The following TAF4B variants were observed in gnomAD, a reference collection of about 807,000 sequenced individuals.
The protein encoded by TAF4B is TATA-box binding protein associated factor 4b, also known as transcription initiation factor TFIID subunit 4B.
In TAF4B, 38 loss-of-function variants were observed where a neutral mutation model predicts 86.4. The observed-to-expected ratio is 0.44, with a 90% CI of 0.34 to 0.58. The LOEUF is 0.58. Among genes scored for constraint, TAF4B ranks in the 20% least tolerant of loss-of-function variants. The pLI is 0.02. For missense variants in TAF4B, 988 were observed against 1,027.6 expected (o/e 0.96, Z 0.53); for synonymous variants, 388 against 391.2 (o/e 0.99, Z 0.10).
rs193296594 is a variant in TAF4B, at chr18:26,334,756, G to A, written c.2260-419G>A. Among the ~76,000 whole-genome samples, 4 of 152,292 alleles carry A rather than the reference G, an allele frequency of 2.6e-5. No homozygotes were observed. The East Asian group carries it at 7.7e-4, about 29-fold the overall frequency. On this transcript the variant is annotated intron_variant, in intron 12 of 14. Coordinates refer to ENST00000269142, the MANE Select transcript of TAF4B (RefSeq NM_005640.3). ...GTTAGTCAGGTTCTTGATTTTAATA[G>A]TCCTCGAAATACCTATGTTTTCCCA...
chr18:26,334,015 GTA>G (rs897849699), intron 12 of TAF4B, among the ~76,000 whole-genome samples: 26 of 151,114 alleles, frequency 1.7e-4, no homozygotes, highest in Non-Finnish European at 2.9e-4. Context: ...ACATATATAT[GTA>G]TATATATATA....
rs1299586871 is a variant in TAF4B, at chr18:26,346,791, A to ATGTGTG, written c.2317-10898_2317-10897insGTGTGT. ...TATATATATGTGTGTGTATATATAT[A>ATGTGTG]TATATATGTGTATATATATATATAT... On this transcript the variant is annotated intron_variant, in intron 13 of 14. Coordinates refer to ENST00000269142, the MANE Select transcript of TAF4B (RefSeq NM_005640.3). Among the ~76,000 whole-genome samples the ATGTGTG allele has an allele frequency of 1.0e-4, 3 of 29,304 alleles. 1 individual carries two copies. The highest frequency in any genetic ancestry group is 2.4e-4 in the African/African-American group (3 of 12,534). The allele number at this position is 29,304 out of a possible 152,430, so 19.2% of individuals were successfully genotyped here.
intron 14 of TAF4B, among the ~76,000 whole-genome samples, chr18:26,383,672 A>G (rs1301040271): frequency 6.6e-6 from 1 of 152,218 alleles, no homozygotes; most frequent in Non-Finnish European, 1.5e-5. Context: ...TTACAGAGCT[A>G]GAATTGTAAC....
chr18:26,314,432 G>A (rs1461270279), intron 9 of TAF4B, among the ~76,000 whole-genome samples: 1 of 146,650 alleles, frequency 6.8e-6, no homozygotes, highest in Admixed American at 6.7e-5. Context: ...CTGATACAAA[G>A]CAAGGAGCCC....
At chr18:26,324,733 T>C (rs1207278376) in intron 11 of TAF4B, among the ~76,000 whole-genome samples, 1 of 152,200 alleles carries the variant, frequency 6.6e-6, no homozygotes, top group Non-Finnish European at 1.5e-5. Flanking sequence ...CTACACTCAT[T>C]TGTTAATACA....
At chr18:26,345,866 GAAT>G (rs1233368447) in intron 13 of TAF4B, among the ~76,000 whole-genome samples, 18 of 152,130 alleles carry the variant, frequency 1.2e-4, no homozygotes, top group African/African-American at 4.3e-4. Flanking sequence ...AAAGAATTCA[GAAT>G]AATAATCTTA....
chr18:26,243,372 G>T (rs552400641), intron 1 of TAF4B, among the ~76,000 whole-genome samples: 1 of 151,846 alleles, frequency 6.6e-6, no homozygotes, highest in African/African-American at 2.4e-5. Context: ...CCAGTTGATC[G>T]AATCGGCTAC....
intron 1 of TAF4B, among the ~76,000 whole-genome samples, chr18:26,242,717 T>C (rs1368534566): frequency 6.6e-6 from 1 of 152,274 alleles, no homozygotes; most frequent in African/African-American, 2.4e-5. Flanking sequence ...TTGCAGTGGC[T>C]GATACTGGTT....
chr18:26,385,499 G>A (rs537821652), intron 14 of TAF4B, among the ~76,000 whole-genome samples: 11 of 152,088 alleles, frequency 7.2e-5, no homozygotes, highest in Non-Finnish European at 1.5e-4. Context: ...TAACATTTAG[G>A]TTTGAGTAGG....
In TAF4B at chr18:26,283,207, G is replaced by A. The variant is rs143728251; in HGVS notation, c.972+1147G>A. 2.0e-3 allele frequency among the ~76,000 whole-genome samples: 307 copies of A among 152,090 alleles called. 1 individual carries two copies. Among genetic ancestry groups the A allele is most frequent in the African/African-American group, 5.9e-3 (245 of 41,478 alleles). On this transcript the variant is annotated intron_variant, in intron 6 of 14. Transcript: ENST00000269142. Reference sequence around the variant, plus strand: ...AAGGTTTTCAGTTGACTTTGCCCCCGGATTCATCAGAGGAATCACTGTCTA... The same window carrying A: ...AAGGTTTTCAGTTGACTTTGCCCCCAGATTCATCAGAGGAATCACTGTCTA...
intron 11 of TAF4B, among the ~76,000 whole-genome samples, chr18:26,326,101 C>T (rs764954563): frequency 3.1e-4 from 47 of 151,992 alleles, no homozygotes; most frequent in Admixed American, 7.9e-4. Context: ...CTTGAATATC[C>T]GAATTACTGA....
intron 7 of TAF4B, among the ~76,000 whole-genome samples, chr18:26,287,973 A>G (rs2056545692): frequency 6.6e-6 from 1 of 152,150 alleles, no homozygotes; most frequent in Admixed American, 6.5e-5. Context: ...GCCTTGCAGG[A>G]TTTCTCTTGG....
chr18:26,306,410 T>C (rs1302584182), intron 9 of TAF4B, among the ~76,000 whole-genome samples: 4 of 152,200 alleles, frequency 2.6e-5, no homozygotes, highest in Admixed American at 6.5e-5. Context: ...GAGGTACTTA[T>C]CTAAAATTAT....
chr18:26,244,297 C>T (rs184045430), intron 1 of TAF4B, among the ~76,000 whole-genome samples: 65 of 152,392 alleles, frequency 4.3e-4, no homozygotes, highest in Admixed American at 1.4e-3. Context: ...CCCCCAGCCT[C>T]ACTGCCGCCT....
At chr18:26,352,780 G>A (rs145226438) in intron 13 of TAF4B, among the ~76,000 whole-genome samples, 1 of 152,054 alleles carries the variant, frequency 6.6e-6, no homozygotes, top group African/African-American at 2.4e-5. Context: ...CTCTCCAAAA[G>A]CAAATATAAC....
chr18:26,369,728 G>A (rs1021935713), intron 14 of TAF4B, among the ~76,000 whole-genome samples: 1 of 152,200 alleles, frequency 6.6e-6, no homozygotes, highest in African/African-American at 2.4e-5. Flanking sequence ...CAGAGTTACA[G>A]CTGAACATGA....
At position 26,231,795 on chromosome 18, in the gene TAF4B, G is replaced by C. The variant is rs184328382; in HGVS notation, c.343+4519G>C. Among the ~76,000 whole-genome samples, 4 of 152,290 alleles carry C rather than the reference G, an allele frequency of 2.6e-5. No homozygotes were observed. In the East Asian group the frequency reaches 7.7e-4, roughly 29 times the overall value. On this transcript the variant is annotated intron_variant, in intron 1 of 14. Coordinates refer to ENST00000269142, the MANE Select transcript of TAF4B (RefSeq NM_005640.3). ...ATGGCACAGACCCAAAGAGTGAGCG[G>C]TAGCAAGGTTTATTGTGAAGAGCAA... is the stretch of plus-strand genomic sequence containing the variant.
At chr18:26,285,222 G>GTTTTTGTTTTTGTTTTGT in intron 6 of TAF4B, among the ~76,000 whole-genome samples, 2 of 45,660 alleles carry the variant, frequency 4.4e-5, no homozygotes, top group African/African-American at 1.3e-4. Context: ...TTTTTTTTTT[G>GTTTTTGTTTTTGTTTTGT]TTTTTTTTTT....
chr18:26,299,074 T>C (rs548346870), intron 9 of TAF4B, among the ~76,000 whole-genome samples: 1 of 151,782 alleles, frequency 6.6e-6, no homozygotes, highest in East Asian at 1.9e-4. Context: ...TTAGTCAGGT[T>C]GCTCTCCAAC....
Sources: allele counts gnomAD v4.1 joint callset (sites outside exome capture counted in the v4.1 genomes callset), GRCh38; gene constraint gnomAD v4.1.1; transcripts MANE v1.5; gene names NCBI Gene and HGNC (gene_info 2026-07-23, HGNC 2026-07-21).